The following ASIC2 variants were observed in gnomAD, a reference collection of about 807,000 sequenced individuals.
ASIC2 encodes the protein acid sensing ion channel subunit 2.
Under a neutral mutation model 57.3 loss-of-function variants are expected in ASIC2, and 25 were observed. The observed-to-expected ratio is 0.44, with a 90% CI of 0.32 to 0.61. The LOEUF (loss-of-function observed/expected upper bound fraction) is 0.61, where lower values mean the gene tolerates loss of function less well. Among genes scored for constraint, ASIC2 ranks in the 20% least tolerant of loss-of-function variants. The probability of loss-of-function intolerance (pLI) is 0.06; values close to 1 mark genes in which losing one functional copy is unlikely to be tolerated. For synonymous variants in ASIC2, 319 were observed against 307.5 expected (o/e 1.04, Z -0.39); for missense variants, 641 against 738.1 (o/e 0.87, Z 1.52).
intron 1 of ASIC2, among the ~76,000 whole-genome samples, chr17:33,232,503 T>C (rs62067895): frequency 0.45 from 59,005 of 132,242 alleles, 14,517 homozygotes; most frequent in African/African-American, 0.54. Flanking sequence ...TGGTACGGTA[T>C]GGTATGGTAT....
At chr17:33,221,982 A>T (rs569848790) in intron 1 of ASIC2, among the ~76,000 whole-genome samples, 1 of 152,266 alleles carries the variant, frequency 6.6e-6, no homozygotes, top group African/African-American at 2.4e-5. Context: ...TCTATTTTGA[A>T]TCGAGTGTGT....
chr17:33,769,795 C>T (rs1256399338), intron 1 of ASIC2, among the ~76,000 whole-genome samples: 2 of 152,216 alleles, frequency 1.3e-5, no homozygotes, highest in Non-Finnish European at 2.9e-5. Flanking sequence ...TGGCAGGCCT[C>T]GTGTCTAGTG....
rs78503539 is a variant in ASIC2, at chr17:33,345,561, G to A, written c.556-233494C>T. Among the ~76,000 whole-genome samples the A allele has an allele frequency of 6.1e-3, 925 of 152,328 alleles. 12 individuals carry two copies. The highest frequency in any genetic ancestry group is 0.033 in the East Asian group (173 of 5,190). On this transcript the variant is annotated intron_variant, in intron 1 of 9. Transcript: ENST00000359872. Reference sequence around the variant, plus strand: ...TGCTTTTGATTGGGTGGTCAGACCAGGAGAAGAGGAAATCCCAAACAGAGA... The same window carrying A: ...TGCTTTTGATTGGGTGGTCAGACCAAGAGAAGAGGAAATCCCAAACAGAGA...
intron 1 of ASIC2, among the ~76,000 whole-genome samples, chr17:33,858,046 C>T (rs1029398163): frequency 6.6e-6 from 1 of 152,180 alleles, no homozygotes; most frequent in Non-Finnish European, 1.5e-5. Flanking sequence ...GTGAGTTCTT[C>T]TGGGAGAACT....
chr17:33,232,060 TC>T (rs1908111858), intron 1 of ASIC2, among the ~76,000 whole-genome samples: 2 of 152,304 alleles, frequency 1.3e-5, no homozygotes, highest in Middle Eastern at 3.4e-3. Flanking sequence ...GTTTGCCTCT[TC>T]CCCTTCAATT....
At chr17:33,034,235 G>A (rs1419288658) in intron 3 of ASIC2, among the ~76,000 whole-genome samples, 1 of 152,044 alleles carries the variant, frequency 6.6e-6, no homozygotes, top group East Asian at 1.9e-4. Context: ...CATTCTTCCT[G>A]GATGCAGGAT....
chr17:33,993,429 C>T (rs192012101), intron 1 of ASIC2, among the ~76,000 whole-genome samples: 3 of 152,306 alleles, frequency 2.0e-5, no homozygotes, highest in East Asian at 1.9e-4. Context: ...TACTGCCATG[C>T]GCCTCCCTGC....
At position 33,814,108 on chromosome 17, in the gene ASIC2, G is replaced by C. The variant is rs1418731583; in HGVS notation, c.555+341870C>G. On this transcript the variant is annotated intron_variant, in intron 1 of 9. Transcript: ENST00000359872. ...ATGAGTTTCTCCATGCCCAGGGGTA[G>C]GAGAGTAGTGGGATGGTAGCTTCAC... Among the ~76,000 whole-genome samples the C allele has an allele frequency of 3.3e-5, 5 of 152,036 alleles. No homozygotes were observed. The South Asian group carries it at 6.2e-4, about 19-fold the overall frequency.
intron 1 of ASIC2, among the ~76,000 whole-genome samples, chr17:33,799,890 G>A: frequency 6.6e-6 from 1 of 152,068 alleles, no homozygotes; most frequent in Admixed American, 6.6e-5. Context: ...AGACTATCTG[G>A]GTCCCCACAA....
chr17:33,310,874 C>G (rs1205561744), intron 1 of ASIC2, among the ~76,000 whole-genome samples: 1 of 152,092 alleles, frequency 6.6e-6, no homozygotes, highest in African/African-American at 2.4e-5. Context: ...ATATCTATAT[C>G]TGCCTCTATA....
At chr17:33,946,164 C>G (rs1056922559) in intron 1 of ASIC2, among the ~76,000 whole-genome samples, 1 of 152,208 alleles carries the variant, frequency 6.6e-6, no homozygotes, top group Non-Finnish European at 1.5e-5. Context: ...GCCACTGCAG[C>G]TCAAGATCCT....
At chr17:33,643,595 G>T (rs555566681) in intron 1 of ASIC2, among the ~76,000 whole-genome samples, 20 of 152,204 alleles carry the variant, frequency 1.3e-4, no homozygotes, top group South Asian at 1.2e-3. Context: ...TCATGATTAG[G>T]AGAGTCGAAA....
chr17:33,232,574 TG>T lies in ASIC2; in HGVS notation c.708+58833del, dbSNP rs141464011. ...TTATAAACAGCATCTAAATATACTT[TG>T]TTTTGTATTTGTGCTTTAAAAATAT... On this transcript the variant is annotated intron_variant, in intron 1 of 9. Transcript: ENST00000225823. Among the ~76,000 whole-genome samples, 66 of 152,296 alleles carry T rather than the reference TG, an allele frequency of 4.3e-4. 2 individuals carry two copies. In the East Asian group the frequency reaches 0.013, roughly 29 times the overall value.
chr17:33,376,867 T>C (rs1909296569), intron 1 of ASIC2, among the ~76,000 whole-genome samples: 1 of 152,204 alleles, frequency 6.6e-6, no homozygotes, highest in Non-Finnish European at 1.5e-5. Flanking sequence ...TTGGGCACTC[T>C]TCTACATATT....
chr17:33,401,711 T>C (rs1408402735), intron 1 of ASIC2, among the ~76,000 whole-genome samples: 1 of 152,184 alleles, frequency 6.6e-6, no homozygotes, highest in Non-Finnish European at 1.5e-5. Context: ...ATAAAATCTT[T>C]GTTCGCTTCC....
At chr17:33,915,772 T>C (rs1915570241) in intron 1 of ASIC2, among the ~76,000 whole-genome samples, 1 of 152,212 alleles carries the variant, frequency 6.6e-6, no homozygotes, top group Non-Finnish European at 1.5e-5. Context: ...GGGTAAAGGA[T>C]GCAAAGGGGT....
chr17:33,276,566 A>C (rs1322163699), intron 1 of ASIC2, among the ~76,000 whole-genome samples: 2 of 152,210 alleles, frequency 1.3e-5, no homozygotes, highest in Non-Finnish European at 2.9e-5. Context: ...GATATCCACA[A>C]AATCAGAAAA....
At chr17:34,049,456 T>A (rs1250348661) in intron 1 of ASIC2, among the ~76,000 whole-genome samples, 1 of 151,972 alleles carries the variant, frequency 6.6e-6, no homozygotes, top group African/African-American at 2.4e-5. Flanking sequence ...CTGCTGCACA[T>A]CTCACCCTTC....
intron 1 of ASIC2, among the ~76,000 whole-genome samples, chr17:33,278,348 A>G (rs1904792304): frequency 1.3e-5 from 2 of 152,114 alleles, no homozygotes; most frequent in South Asian, 4.1e-4. Context: ...TCTGTTAAAA[A>G]TAGACTGACG....
Sources: gnomAD v4.1 joint callset for allele counts (sites outside exome capture counted in the v4.1 genomes callset) on GRCh38, gnomAD v4.1.1 for gene constraint, MANE v1.5 for transcripts, NCBI Gene and HGNC (gene_info 2026-07-23, HGNC 2026-07-21) for gene names.